Variants in ADAMTSL3 observed in about 807,000 individuals in gnomAD.
ADAMTSL3 encodes ADAMTS like 3, also known as ADAMTS-like protein 3.
Under a neutral mutation model 201.7 loss-of-function variants are expected in ADAMTSL3, and 128 were observed. The observed-to-expected ratio is 0.63, with a 90% confidence interval of 0.55 to 0.73. ADAMTSL3 has a LOEUF of 0.73. ADAMTSL3 is among the 30% of genes least tolerant of loss of function. ADAMTSL3 has a pLI of 0.00. For synonymous variants in ADAMTSL3, 738 were observed against 748.4 expected (o/e 0.99, Z 0.23); for missense variants, 1,990 against 2,119.6 (o/e 0.94, Z 1.20).
intron 3 of ADAMTSL3, among the ~76,000 whole-genome samples, chr15:83,767,562 T>C (rs933328166): frequency 1.3e-5 from 2 of 152,150 alleles, no homozygotes; most frequent in African/African-American, 4.8e-5. Context: ...CCAGCTGATA[T>C]CAGTCAGCTG....
intron 17 of ADAMTSL3, among the ~76,000 whole-genome samples, chr15:83,932,693 T>A (rs145365185): frequency 6.6e-6 from 1 of 152,172 alleles, no homozygotes; most frequent in Non-Finnish European, 1.5e-5. Flanking sequence ...ATCCAAAAAA[T>A]TAATTCATAC....
At chr15:83,680,655 A>C (rs914691914) in intron 2 of ADAMTSL3, among the ~76,000 whole-genome samples, 1 of 151,586 alleles carries the variant, frequency 6.6e-6, no homozygotes, top group African/African-American at 2.4e-5. Flanking sequence ...ATCTTTTATA[A>C]TTTTTGTGTT....
intron 7 of ADAMTSL3, among the ~76,000 whole-genome samples, chr15:83,842,412 C>G (rs371662656): frequency 6.6e-6 from 1 of 152,050 alleles, no homozygotes; most frequent in Non-Finnish European, 1.5e-5. Context: ...CAACTCTAGA[C>G]GCTGCCTTGG....
chr15:83,964,645 A>G (rs2067041910), intron 19 of ADAMTSL3, among the ~76,000 whole-genome samples: 1 of 152,226 alleles, frequency 6.6e-6, no homozygotes, highest in Non-Finnish European at 1.5e-5. Context: ...AAGAAAGGCC[A>G]ACATTCAAAT....
At chr15:83,994,344 A>G (rs1033103830) in intron 23 of ADAMTSL3, among the ~76,000 whole-genome samples, 1 of 152,254 alleles carries the variant, frequency 6.6e-6, no homozygotes, top group African/African-American at 2.4e-5. Flanking sequence ...CTGACATCCC[A>G]CCAGGCAGCT....
chr15:83,799,915 T>A (rs1268784167), intron 4 of ADAMTSL3, among the ~76,000 whole-genome samples: 1 of 152,230 alleles, frequency 6.6e-6, no homozygotes, highest in African/African-American at 2.4e-5. Context: ...AGGTTCCTGC[T>A]TGGGGAATTA....
chr15:83,784,828 T>C (rs2063234646), intron 4 of ADAMTSL3, among the ~76,000 whole-genome samples: 1 of 152,170 alleles, frequency 6.6e-6, no homozygotes, highest in Non-Finnish European at 1.5e-5. Flanking sequence ...CTTGAGTTTA[T>C]TATTAGAATT....
At chr15:83,676,369 A>T (rs2141408402) in intron 2 of ADAMTSL3, among the ~76,000 whole-genome samples, 1 of 152,192 alleles carries the variant, frequency 6.6e-6, no homozygotes, top group South Asian at 2.1e-4. Context: ...ATCCACCTCC[A>T]AATTCATATG....
intron 9 of ADAMTSL3, among the ~76,000 whole-genome samples, chr15:83,882,324 T>C (rs2065288995): frequency 6.6e-6 from 1 of 152,196 alleles, no homozygotes; most frequent in Non-Finnish European, 1.5e-5. Flanking sequence ...CTGTGCTGTC[T>C]CCACTCCGTT....
At chr15:83,876,524 C>A (rs2065180342) in intron 9 of ADAMTSL3, among the ~76,000 whole-genome samples, 1 of 152,116 alleles carries the variant, frequency 6.6e-6, no homozygotes, top group Non-Finnish European at 1.5e-5. Context: ...AGTTTATCAG[C>A]CTTTAACTTT....
In ADAMTSL3 at chr15:83,655,805, T is replaced by C; in HGVS notation, c.44T>C (p.Val15Ala). 6.2e-7 allele frequency: 1 copy of C among 1,614,054 alleles called. No homozygotes were observed. Among genetic ancestry groups the C allele is most frequent in the Non-Finnish European group, 8.5e-7 (1 of 1,180,000 alleles). ...TSPWWVLIGM[V>A]FMHSPLPQTT... The stretch of plus-strand genomic sequence containing the variant: ...CCCTGGTGGGTGCTGATAGGGATGG[T>C]CTTCATGCACTCTCCCCTCCCGCAG... The change falls in exon 2 of 30, where the codon GTC becomes GCC. Residue 15 changes from valine (V) to alanine (A), a missense_variant. Physicochemically the swap from Val to Ala is moderately conservative, Grantham distance 64. Coordinates refer to ENST00000286744, the MANE Select transcript of ADAMTSL3 (RefSeq NM_207517.3).
At chr15:83,903,917 CAAAAAAAAAAAAA>C (rs1168502648) in intron 15 of ADAMTSL3, among the ~76,000 whole-genome samples, 2 of 19,276 alleles carry the variant, frequency 1.0e-4, no homozygotes, top group African/African-American at 8.7e-4. Flanking sequence ...GACTCCACAT[CAAAAAAAAAAAAA>C]AAAAAAAAAA....
intron 3 of ADAMTSL3, among the ~76,000 whole-genome samples, chr15:83,761,556 GT>G (rs2062808928): frequency 6.6e-6 from 1 of 151,956 alleles, no homozygotes; most frequent in Non-Finnish European, 1.5e-5. Flanking sequence ...TTTTGTAGTT[GT>G]CCTCAATGGC....
rs552486221 is a variant in ADAMTSL3 at position 83,704,481 on chromosome 15, G to A, written c.162G>A (p.Gln54=). The change falls in exon 3 of 30, where the codon CAG becomes CAA. Residue 54 remains glutamine (Q), a synonymous_variant. Transcript: ENST00000286744. ...GSFLEDTTGE[Q]FLTYRYDDQT... is the part of the protein sequence containing the mutation. The stretch of plus-strand genomic sequence containing the variant: ...TTCTGGAAGACACAACAGGGGAGCA[G>A]TTCCTCACTTATCGCTATGATGACC... 6.2e-7 allele frequency: 1 copy of A among 1,614,200 alleles called. No homozygotes were observed. The highest frequency in any genetic ancestry group is 1.1e-5 in the South Asian group (1 of 91,082).
chr15:83,867,677 A>C (rs2065005435), intron 8 of ADAMTSL3, among the ~76,000 whole-genome samples: 1 of 152,206 alleles, frequency 6.6e-6, no homozygotes. Context: ...TGTACATATA[A>C]GTTTGATGTA....
chr15:83,875,862 A>T (rs4321166), intron 9 of ADAMTSL3, among the ~76,000 whole-genome samples: 54,492 of 152,130 alleles, frequency 0.36, 11,460 homozygotes, highest in Middle Eastern at 0.54. Context: ...GGAATGAACA[A>T]GAACAAAATT....
At chr15:83,788,508 A>G (rs919121959) in intron 4 of ADAMTSL3, among the ~76,000 whole-genome samples, 8 of 152,216 alleles carry the variant, frequency 5.3e-5, no homozygotes, top group Non-Finnish European at 8.8e-5. Flanking sequence ...TTATGTAGAA[A>G]TGATTTTCCC....
At chr15:83,866,953 T>G (rs547990656) in intron 8 of ADAMTSL3, among the ~76,000 whole-genome samples, 2 of 152,206 alleles carry the variant, frequency 1.3e-5, no homozygotes, top group East Asian at 3.9e-4. Flanking sequence ...AATCTCACAA[T>G]TGGCAGTAGA....
At chr15:83,818,515 C>T (rs1432881350) in intron 5 of ADAMTSL3, among the ~76,000 whole-genome samples, 2 of 152,180 alleles carry the variant, frequency 1.3e-5, no homozygotes, top group East Asian at 1.9e-4. Context: ...TTCACAGAGA[C>T]GGGGTTTCAC....
Sources: allele counts gnomAD v4.1 joint callset (sites outside exome capture counted in the v4.1 genomes callset), GRCh38; gene constraint gnomAD v4.1.1; transcripts MANE v1.5; gene names NCBI Gene and HGNC (gene_info 2026-07-23, HGNC 2026-07-21).